The following MRPS31 variants were observed in gnomAD, a reference collection of about 807,000 sequenced individuals.
MRPS31 encodes the protein mitochondrial ribosomal protein S31.
Under a neutral mutation model 43.1 loss-of-function variants are expected in MRPS31, and 32 were observed. The ratio of observed to expected loss-of-function variants is 0.74; its 90% CI spans 0.56 to 1.00. The LOEUF (loss-of-function observed/expected upper bound fraction) is 1.00. Among genes scored for constraint, MRPS31 ranks in the 50% least tolerant of loss-of-function variants. The probability of loss-of-function intolerance (pLI) is 0.00; values close to 1 mark genes in which losing one functional copy is unlikely to be tolerated. For missense variants in MRPS31, 437 were observed against 466.7 expected (o/e 0.94, Z 0.59); for synonymous variants, 165 against 161.6 (o/e 1.02, Z -0.16).
chr13:40,766,470 T>C (rs191751920), intron 2 of MRPS31, among the ~76,000 whole-genome samples: 106 of 152,196 alleles, frequency 7.0e-4, no homozygotes, highest in African/African-American at 2.5e-3. Flanking sequence ...ACTTTTGTAG[T>C]TTTAGTAGAG....
intron 6 of MRPS31, among the ~76,000 whole-genome samples, chr13:40,741,033 T>C (rs1880074829): frequency 6.6e-6 from 1 of 151,242 alleles, no homozygotes; most frequent in Non-Finnish European, 1.5e-5. Context: ...AAACAATGAA[T>C]TCATGTCTTA....
chr13:40,768,199 G>T (rs9577142), intron 1 of MRPS31, among the ~76,000 whole-genome samples: 1 of 152,164 alleles, frequency 6.6e-6, no homozygotes, highest in Non-Finnish European at 1.5e-5. Context: ...CAGTAAGAGG[G>T]TATATTAAAA....
chr13:40,733,054 A>C (rs1348953966), intron 6 of MRPS31, among the ~76,000 whole-genome samples: 4 of 116,936 alleles, frequency 3.4e-5, no homozygotes, highest in Non-Finnish European at 6.4e-5. Context: ...GCCCAGCTGG[A>C]GTGCAATGGT....
chr13:40,765,501 A>G (rs574498128), intron 2 of MRPS31, among the ~76,000 whole-genome samples: 1 of 152,346 alleles, frequency 6.6e-6, no homozygotes, highest in Admixed American at 6.5e-5. Flanking sequence ...GCCATTCTTG[A>G]AAAGTATTTA....
intron 6 of MRPS31, among the ~76,000 whole-genome samples, chr13:40,734,823 G>T (rs972974153): frequency 3.3e-5 from 5 of 152,102 alleles, no homozygotes; most frequent in Admixed American, 2.0e-4. Context: ...TTGAGCCCAG[G>T]AATTCGAGGT....
chr13:40,760,136 A>C (rs1190670064), intron 2 of MRPS31, among the ~76,000 whole-genome samples: 1 of 41,770 alleles, frequency 2.4e-5, no homozygotes, highest in South Asian at 5.2e-4. Flanking sequence ...GACTCTGTCA[A>C]AAAAAAAAAA....
intron 1 of MRPS31, among the ~76,000 whole-genome samples, chr13:40,769,045 G>T (rs1027096135): frequency 2.6e-5 from 4 of 151,928 alleles, no homozygotes; most frequent in Admixed American, 2.0e-4. Context: ...TCCCATGCAG[G>T]TGAGCTCAAG....
At chr13:40,733,046 C>A (rs1276650593) in intron 6 of MRPS31, among the ~76,000 whole-genome samples, 1 of 140,788 alleles carries the variant, frequency 7.1e-6, no homozygotes, top group African/African-American at 2.6e-5. Flanking sequence ...CTCTTGTTGC[C>A]CAGCTGGAGT....
rs1405348537 is a variant in MRPS31 at position 40,729,407 on chromosome 13, C to G, written c.1153G>C (p.Asp385His). The change falls in exon 7 of 7, where the codon GAT becomes CAT. Residue 385 changes from aspartate (D) to histidine (H), a missense_variant. Physicochemically the swap from Asp to His is moderately conservative, Grantham distance 81. Coordinates refer to ENST00000323563, the MANE Select transcript of MRPS31 (RefSeq NM_005830.4). ...TGTATGTTACTTTCTTTTAGAATAT[C>G]CTTTTTTTCATTAAAATAATTTCTA... ...WFRNYFNEKK[D>H]ILKESNIQFN 1 of 1,551,670 alleles carries G rather than the reference C, an allele frequency of 6.4e-7. No individual in the cohort carries two copies. Among genetic ancestry groups the G allele is most frequent in the South Asian group, 1.1e-5 (1 of 87,496 alleles).
chr13:40,731,234 CAG>C (rs1428708563), intron 6 of MRPS31: 1 of 137,638 alleles, frequency 7.3e-6, no homozygotes, highest in Non-Finnish European at 1.5e-5. Flanking sequence ...GCCTGGGCGA[CAG>C]AGTGAGACCC....
In MRPS31 at chr13:40,764,105, CA is replaced by C. The variant is rs1880776167; in HGVS notation, c.440+2640del. ...GCAGCACAGGAAAATACAACCATGT[CA>C]ATAATGATGTAAATTAGGCAGTTCA... On this transcript the variant is annotated intron_variant, in intron 2 of 6. Coordinates refer to ENST00000323563, the MANE Select transcript of MRPS31 (RefSeq NM_005830.4). 3.3e-5 allele frequency among the ~76,000 whole-genome samples: 5 copies of C among 152,018 alleles called. No individual in the cohort carries two copies. The South Asian group carries it at 1.0e-3, about 32-fold the overall frequency.
rs1158530189 is a variant in MRPS31, at chr13:40,771,132, A to C, written c.5T>G (p.Phe2Cys). Residue 2 changes from phenylalanine (F) to cysteine (C), a missense_variant, in exon 1 of 7, where the codon TTT becomes TGT. Phe to Cys is a radical substitution (Grantham distance 205). Coordinates refer to ENST00000323563, the MANE Select transcript of MRPS31 (RefSeq NM_005830.4). M[F>C]PRVSTFLPLR... ...AGGTAGGAACGTCGAGACTCTAGGA[A>C]ACATCGCCGAGACACGAAATGAACC... 9 of 1,601,494 alleles carry C rather than the reference A, an allele frequency of 5.6e-6. No individual in the cohort carries two copies. The highest frequency in any genetic ancestry group is 1.3e-5 in the African/African-American group (1 of 74,424).
rs759910674 is a variant in MRPS31, at chr13:40,749,262, C to G, written c.834G>C (p.Trp278Cys). The change falls in exon 6 of 7, where the codon TGG (tryptophan) becomes TGC (cysteine). Residue 278 changes from tryptophan (W) to cysteine (C), a missense_variant. Physicochemically the swap from Trp to Cys is radical, Grantham distance 215 (BLOSUM62 -2). Coordinates refer to ENST00000323563, the MANE Select transcript of MRPS31 (RefSeq NM_005830.4). ...CTAACTGCTTAGCAAATTCCACATC[C>G]CAAAGTGAAGGTGATGTGTCTACAT... ...APETDTSPSLWDVEFAKQLAT... is the reference protein window; with the variant it reads ...APETDTSPSLCDVEFAKQLAT... The G allele has an allele frequency of 3.2e-5, 51 of 1,586,714 alleles. No individual in the cohort carries two copies. Among genetic ancestry groups the G allele is most frequent in the Non-Finnish European group, 4.3e-5 (50 of 1,172,762 alleles).
chr13:40,750,176 G>T (rs1264758930), intron 5 of MRPS31, among the ~76,000 whole-genome samples: 11 of 152,248 alleles, frequency 7.2e-5, no homozygotes, highest in Admixed American at 5.2e-4. Flanking sequence ...CCATGCAATT[G>T]TATACTACTC....
chr13:40,771,145 C>T lies in MRPS31; in HGVS notation c.-9G>A. On this transcript the variant is annotated 5_prime_UTR_variant, in exon 1 of 7. Coordinates refer to ENST00000323563, the MANE Select transcript of MRPS31 (RefSeq NM_005830.4). ...GAGACTCTAGGAAACATCGCCGAGA[C>T]ACGAAATGAACCAAGAACACAACTG... 1 of 1,594,842 alleles carries T rather than the reference C, an allele frequency of 6.3e-7. No homozygotes were observed. The highest frequency in any genetic ancestry group is 8.6e-7 in the Non-Finnish European group (1 of 1,168,604).
rs761761204 is a variant in MRPS31, at chr13:40,729,388, T to C, written c.1172A>G (p.Asn391Ser). ...NEKKDILKES[N>S]IQFN Reference sequence around the variant, plus strand: ...TCCATGGTCTTAATTGAACTGTATGTTACTTTCTTTTAGAATATCCTTTTT... The same window carrying C: ...TCCATGGTCTTAATTGAACTGTATGCTACTTTCTTTTAGAATATCCTTTTT... Residue 391 changes from asparagine (N) to serine (S), a missense_variant, in exon 7 of 7, where the codon AAC becomes AGC. Physicochemically the swap from Asn to Ser is conservative, Grantham distance 46. Coordinates refer to ENST00000323563, the MANE Select transcript of MRPS31 (RefSeq NM_005830.4). The C allele has an allele frequency of 1.7e-5, 25 of 1,496,620 alleles. No homozygotes were observed. The South Asian group carries it at 2.8e-4, about 17-fold the overall frequency. The allele number at this position is 1,496,620 out of a possible 1,614,324, so 92.7% of individuals were successfully genotyped here.
intron 6 of MRPS31, among the ~76,000 whole-genome samples, chr13:40,746,071 T>C (rs1236947325): frequency 6.6e-6 from 1 of 152,222 alleles, no homozygotes; most frequent in Non-Finnish European, 1.5e-5. Context: ...CTTAATTTTT[T>C]ATATAATGGA....
intron 6 of MRPS31, among the ~76,000 whole-genome samples, chr13:40,732,990 T>A (rs1229588649): frequency 1.4e-5 from 2 of 145,192 alleles, no homozygotes; most frequent in Admixed American, 1.4e-4. Context: ...CAACAATGCA[T>A]TTGGTTTTTT....
chr13:40,732,246 C>T (rs1203096642), intron 6 of MRPS31, among the ~76,000 whole-genome samples: 2 of 152,200 alleles, frequency 1.3e-5, no homozygotes, highest in Non-Finnish European at 2.9e-5. Context: ...AATGAAGCCA[C>T]CAGTTAACTA....
Sources: allele counts gnomAD v4.1 joint callset (sites outside exome capture counted in the v4.1 genomes callset), GRCh38; gene constraint gnomAD v4.1.1; transcripts MANE v1.5; gene names NCBI Gene and HGNC (gene_info 2026-07-23, HGNC 2026-07-21).